CCL28: variants seen among roughly 807,000 people sequenced by gnomAD.
The protein encoded by CCL28 is C-C motif chemokine 28.
A neutral mutation model predicts 7.1 loss-of-function variants in CCL28; 4 were observed. That is an observed-to-expected ratio of 0.56 (90% CI 0.28 to 1.29). CCL28 has a LOEUF of 1.29. Ranked by LOEUF, CCL28 falls within the 50% of genes most tolerant of loss-of-function variation. CCL28 has a pLI of 0.11. For synonymous variants in CCL28, 55 were observed against 57.8 expected, an observed-to-expected ratio of 0.95 and a Z score of 0.22; for missense variants, 151 against 163.4, an observed-to-expected ratio of 0.92 and a Z score of 0.41.
intron 2 of CCL28, among the ~76,000 whole-genome samples, chr5:43,382,741 G>A (rs1277833432): frequency 1.3e-5 from 2 of 152,070 alleles, no homozygotes; most frequent in African/African-American, 2.4e-5. Context: ...AGATATTCTA[G>A]GCATTTGTTA....
At chr5:43,360,932 G>C in the CCL28 span, among the ~76,000 whole-genome samples, 1 of 152,034 alleles carries the variant, frequency 6.6e-6, no homozygotes, top group African/African-American at 2.4e-5. Context: ...CCATCACCTA[G>C]GTATTAAGCC....
In CCL28 at chr5:43,382,047, T is replaced by C; in HGVS notation, c.197A>G (p.His66Arg). The C allele has an allele frequency of 6.2e-7, 1 of 1,604,174 alleles. No homozygotes were observed. Among genetic ancestry groups the C allele is most frequent in the South Asian group, 1.1e-5 (1 of 89,388 alleles). Residue 66 changes from histidine (H) to arginine (R), a missense_variant, in exon 3 of 3, where the codon CAT (histidine) becomes CGT (arginine). Coordinates refer to ENST00000361115, the MANE Select transcript of CCL28 (RefSeq NM_148672.3). ...GACACAGATTCTTCTGCGCTTGACA[T>C]GAAGGCTGTTAGAAAAGGAAGCAAA... ...GDCDLAAVIL[H>R]VKRRRICVSP...
chr5:43,370,627 G>A, the CCL28 span, among the ~76,000 whole-genome samples: 1 of 151,984 alleles, frequency 6.6e-6, no homozygotes, highest in African/African-American at 2.4e-5. Context: ...GGGTCACTGG[G>A]CCACTGGGCT....
downstream of CCL28, among the ~76,000 whole-genome samples, chr5:43,377,958 T>C (rs987951344): frequency 2.1e-4 from 29 of 135,170 alleles, no homozygotes; most frequent in South Asian, 6.5e-3. Context: ...GGTCTCGATC[T>C]CCTGACCTCG....
At chr5:43,366,979 GTGTTTACACTT>G in the CCL28 span, among the ~76,000 whole-genome samples, 1 of 151,852 alleles carries the variant, frequency 6.6e-6, no homozygotes, top group African/African-American at 2.4e-5. Context: ...CACTGCATTT[GTGTTTACACTT>G]TGTTTACACT....
At chr5:43,360,802 T>C in the CCL28 span, among the ~76,000 whole-genome samples, 1 of 152,206 alleles carries the variant, frequency 6.6e-6, no homozygotes, top group Non-Finnish European at 1.5e-5. Flanking sequence ...TTGTTTCTTA[T>C]AGATTCTGGA....
chr5:43,366,910 C>A, the CCL28 span, among the ~76,000 whole-genome samples: 1 of 152,222 alleles, frequency 6.6e-6, no homozygotes. Context: ...GTGGGTTCCA[C>A]CCAGTTCGAA....
At chr5:43,372,945 C>A (rs1336866948), downstream of CCL28, among the ~76,000 whole-genome samples, 1 of 150,164 alleles carries the variant, frequency 6.7e-6, no homozygotes, top group Non-Finnish European at 1.5e-5. Context: ...ATTACAGTTG[C>A]ACTCACCACC....
chr5:43,372,026 C>T (rs1739794085), downstream of CCL28, among the ~76,000 whole-genome samples: 1 of 152,062 alleles, frequency 6.6e-6, no homozygotes. Context: ...GGGGGAGGTG[C>T]CAGGCTCTTT....
chr5:43,407,031 A>G (rs1410434534), intron 1 of CCL28, among the ~76,000 whole-genome samples: 4 of 152,250 alleles, frequency 2.6e-5, no homozygotes, highest in Non-Finnish European at 5.9e-5. Flanking sequence ...GCTCATGGAT[A>G]TGAAGAATCA....
the CCL28 span, among the ~76,000 whole-genome samples, chr5:43,368,796 C>A: frequency 6.6e-6 from 1 of 152,042 alleles, no homozygotes; most frequent in Non-Finnish European, 1.5e-5. Flanking sequence ...ATCCACAAGC[C>A]AAGGAGAGAG....
chr5:43,361,132 C>A, the CCL28 span, among the ~76,000 whole-genome samples: 1 of 152,256 alleles, frequency 6.6e-6, no homozygotes, highest in South Asian at 2.1e-4. Context: ...CCATCCATGT[C>A]CCTGCAAAGG....
rs1296637693 is a variant in CCL28 at position 43,412,362 on chromosome 5, T to C, written c.-46A>G. 6.4e-7 allele frequency: 1 copy of C among 1,564,346 alleles called. No individual in the cohort carries two copies. Among genetic ancestry groups the C allele is most frequent in the East Asian group, 2.2e-5 (1 of 44,474 alleles). On this transcript the variant is annotated 5_prime_UTR_variant, in exon 1 of 3. Transcript: ENST00000361115. ...CTGACAGCAACACAAGTGAGGCTGT[T>C]CGATCAGGAAATGAGGCTAAAGGTG...
Position 43,412,357 on chromosome 5 carries a change from G to T in CCL28, c.-41C>A. ...TGGCACTGACAGCAACACAAGTGAG[G>T]CTGTTCGATCAGGAAATGAGGCTAA... On this transcript the variant is annotated 5_prime_UTR_variant, in exon 1 of 3. Coordinates refer to ENST00000361115, the MANE Select transcript of CCL28 (RefSeq NM_148672.3). The T allele has an allele frequency of 1.3e-6, 2 of 1,583,988 alleles. No individual in the cohort carries two copies. Among genetic ancestry groups the T allele is most frequent in the Non-Finnish European group, 1.7e-6 (2 of 1,157,382 alleles).
At chr5:43,373,347 C>G (rs1337520019), downstream of CCL28, among the ~76,000 whole-genome samples, 2 of 152,078 alleles carry the variant, frequency 1.3e-5, no homozygotes, top group Non-Finnish European at 2.9e-5. Flanking sequence ...TTTGCCCAGG[C>G]TGGAGTGCAG....
chr5:43,383,672 CAAAA>C (rs767666543), intron 2 of CCL28, among the ~76,000 whole-genome samples: 2 of 151,992 alleles, frequency 1.3e-5, no homozygotes. Flanking sequence ...GCGTAGGAAA[CAAAA>C]ACAAACAAAC....
At chr5:43,370,052 G>A in the CCL28 span, among the ~76,000 whole-genome samples, 12 of 152,206 alleles carry the variant, frequency 7.9e-5, no homozygotes, top group African/African-American at 2.7e-4. Flanking sequence ...CCCACAAAGT[G>A]CTAGATATGG....
chr5:43,370,411 G>T, the CCL28 span, among the ~76,000 whole-genome samples: 1 of 151,742 alleles, frequency 6.6e-6, no homozygotes, highest in Non-Finnish European at 1.5e-5. Flanking sequence ...TTGGTGGTTG[G>T]CATGATACAC....
the CCL28 span, among the ~76,000 whole-genome samples, chr5:43,367,903 T>C: frequency 6.6e-6 from 1 of 152,238 alleles, no homozygotes; most frequent in African/African-American, 2.4e-5. Context: ...GAAATGGGCA[T>C]TTCTGATATT....
Sources: gnomAD v4.1 joint callset for allele counts (sites outside exome capture counted in the v4.1 genomes callset) on GRCh38, gnomAD v4.1.1 for gene constraint, MANE v1.5 for transcripts, NCBI Gene and HGNC (gene_info 2026-07-23, HGNC 2026-07-21) for gene names.